The following CBLN2 variants were observed in gnomAD, a reference collection of about 807,000 sequenced individuals.
CBLN2 encodes the protein cerebellin 2 precursor.
CBLN2 carries 7 observed loss-of-function variants against 15.0 expected under a neutral mutation model. The ratio of observed to expected loss-of-function variants is 0.47; its 90% CI spans 0.27 to 0.88. The LOEUF is 0.88. CBLN2 is among the 40% of genes least tolerant of loss of function. CBLN2 has a pLI of 0.14. For synonymous variants in CBLN2, 149 were observed against 135.2 expected (o/e 1.10, Z -0.71); for missense variants, 242 against 304.5 (o/e 0.79, Z 1.53).
At chr18:72,586,417 T>C (rs1357653134) in intron 1 of CBLN2, among the ~76,000 whole-genome samples, 2 of 152,224 alleles carry the variant, frequency 1.3e-5, no homozygotes, top group East Asian at 1.9e-4. Context: ...AACACTGTTA[T>C]GTCCAAAACT....
chr18:72,567,163 T>C (rs2069300518), intron 1 of CBLN2, among the ~76,000 whole-genome samples: 1 of 152,228 alleles, frequency 6.6e-6, no homozygotes, highest in African/African-American at 2.4e-5. Context: ...ATGCTGATTA[T>C]GCTGATTTGA....
intron 1 of CBLN2, among the ~76,000 whole-genome samples, chr18:72,555,926 G>A (rs1337152026): frequency 6.6e-6 from 1 of 152,120 alleles, no homozygotes; most frequent in Non-Finnish European, 1.5e-5. Flanking sequence ...TTCAGGTGAG[G>A]CTTGAGGGAA....
chr18:72,636,611 A>G (rs554372094), intron 1 of CBLN2, among the ~76,000 whole-genome samples: 12 of 152,176 alleles, frequency 7.9e-5, no homozygotes, highest in African/African-American at 2.9e-4. Flanking sequence ...GGTACATGTA[A>G]AATTTTTAGG....
chr18:72,572,488 G>C (rs1474230515), intron 1 of CBLN2, among the ~76,000 whole-genome samples: 1 of 152,096 alleles, frequency 6.6e-6, no homozygotes, highest in Non-Finnish European at 1.5e-5. Flanking sequence ...ATTGTTAAAA[G>C]TTTTCAAATG....
At position 72,622,285 on chromosome 18, in the gene CBLN2, A is replaced by G. The variant is rs115603242; in HGVS notation, c.15+16040T>C. Among the ~76,000 whole-genome samples the G allele has an allele frequency of 9.6e-3, 1,456 of 152,146 alleles. 25 individuals are homozygous for G. The highest frequency in any genetic ancestry group is 0.033 in the African/African-American group (1,355 of 41,506). ...TTGTCAAAAGAACACAATTAGAAAC[A>G]TTGCTTATGCAACCAAGATCTTGCT... On this transcript the variant is annotated intron_variant, in intron 1 of 2. Coordinates refer to the CBLN2 transcript ENST00000581073.
At chr18:72,599,989 A>T (rs898350398) in intron 1 of CBLN2, among the ~76,000 whole-genome samples, 5 of 152,058 alleles carry the variant, frequency 3.3e-5, no homozygotes, top group Non-Finnish European at 7.4e-5. Flanking sequence ...CCTGAGAGGG[A>T]CTTGACCTGC....
chr18:72,621,818 T>C (rs1290237104), intron 1 of CBLN2, among the ~76,000 whole-genome samples: 2 of 152,170 alleles, frequency 1.3e-5, no homozygotes, highest in African/African-American at 4.8e-5. Context: ...ATGGTATCAT[T>C]GCTTAAATGA....
chr18:72,637,222 T>C (rs1457853557), intron 1 of CBLN2, among the ~76,000 whole-genome samples: 2 of 152,190 alleles, frequency 1.3e-5, no homozygotes, highest in African/African-American at 2.4e-5. Context: ...AAAATCATTT[T>C]TGATGAGTTT....
intron 1 of CBLN2, among the ~76,000 whole-genome samples, chr18:72,628,161 T>C (rs921026626): frequency 3.3e-5 from 5 of 152,250 alleles, no homozygotes; most frequent in African/African-American, 1.2e-4. Flanking sequence ...ACACTTGGTT[T>C]AATGTTCTGC....
intron 1 of CBLN2, among the ~76,000 whole-genome samples, chr18:72,560,043 AG>A (rs2069250284): frequency 6.6e-6 from 1 of 152,208 alleles, no homozygotes; most frequent in South Asian, 2.1e-4. Flanking sequence ...CTCATCAAAC[AG>A]GGAACAGGCA....
In CBLN2 at chr18:72,544,309, G is replaced by C. The variant is rs1031137872; in HGVS notation, c.-544C>G. 1 of 152,224 alleles carries C rather than the reference G, an allele frequency of 6.6e-6. No homozygotes were observed. The highest frequency in any genetic ancestry group is 2.4e-5 in the African/African-American group (1 of 41,462). The allele number at this position is 152,224 out of a possible 1,614,324, so 9.4% of individuals were successfully genotyped here. A position where few individuals can be genotyped will look rare whatever the true frequency, so the allele number is the denominator to read the frequency against. On this transcript the variant is annotated 5_prime_UTR_variant, in exon 1 of 5. Transcript: ENST00000269503. ...GGGCTAGAAGAGGGGCCTCCGGCCC[G>C]GGTCTGTGTGTCTGCTCCTCTGGAC...
At chr18:72,618,024 G>C (rs561124214) in intron 1 of CBLN2, among the ~76,000 whole-genome samples, 1 of 152,100 alleles carries the variant, frequency 6.6e-6, no homozygotes. Flanking sequence ...TGGTTAAACC[G>C]GTTAAGGTTT....
chr18:72,596,263 C>A (rs1013959786), intron 1 of CBLN2, among the ~76,000 whole-genome samples: 1 of 151,760 alleles, frequency 6.6e-6, no homozygotes, highest in South Asian at 2.1e-4. Flanking sequence ...ACAATTAACA[C>A]TGCATAAACA....
rs539038691 is a variant in CBLN2, at chr18:72,636,727, T to C, written c.15+1598A>G. 3.3e-5 allele frequency among the ~76,000 whole-genome samples: 5 copies of C among 152,312 alleles called. No homozygotes were observed. The East Asian group carries it at 7.7e-4, about 23-fold the overall frequency. The stretch of plus-strand genomic sequence containing the variant: ...AATAAAACATTTAGAAGAAATTCCA[T>C]GGCACAGTCCTACCATGAGTCTGGG... On this transcript the variant is annotated intron_variant, in intron 1 of 2. Coordinates refer to the CBLN2 transcript ENST00000581073.
intron 1 of CBLN2, among the ~76,000 whole-genome samples, chr18:72,611,820 A>G (rs1442030353): frequency 6.6e-6 from 1 of 152,102 alleles, no homozygotes; most frequent in African/African-American, 2.4e-5. Flanking sequence ...ATTTCCCAAC[A>G]CCAATGTCTA....
intron 1 of CBLN2, among the ~76,000 whole-genome samples, chr18:72,561,076 G>A (rs1158395708): frequency 6.6e-6 from 1 of 151,924 alleles, no homozygotes; most frequent in East Asian, 1.9e-4. Flanking sequence ...TGTGATAGGT[G>A]TAAGTGGTAC....
intron 1 of CBLN2, among the ~76,000 whole-genome samples, chr18:72,632,023 C>T (rs1446042353): frequency 1.3e-5 from 2 of 152,124 alleles, no homozygotes; most frequent in Non-Finnish European, 1.5e-5. Context: ...TACCTCAATC[C>T]ATTTCTAAGT....
At chr18:72,564,454 A>G (rs1285693939) in intron 1 of CBLN2, among the ~76,000 whole-genome samples, 1 of 152,168 alleles carries the variant, frequency 6.6e-6, no homozygotes, top group Non-Finnish European at 1.5e-5. Flanking sequence ...CAGAAGAAAG[A>G]ATTTCTGATT....
At chr18:72,619,275 G>C in intron 1 of CBLN2, 1 of 741,100 alleles carries the variant, frequency 1.3e-6, no homozygotes, top group Admixed American at 2.0e-5. Flanking sequence ...AGAAGTGACG[G>C]GGAAGCTACA....
Sources: gnomAD v4.1 joint callset for allele counts (sites outside exome capture counted in the v4.1 genomes callset) on GRCh38, gnomAD v4.1.1 for gene constraint, MANE v1.5 for transcripts, NCBI Gene and HGNC (gene_info 2026-07-23, HGNC 2026-07-21) for gene names.